MAPKAPK2: variants seen among roughly 807,000 people sequenced by gnomAD.
MAPKAPK2 encodes the protein MAPK activated protein kinase 2.
MAPKAPK2 carries 9 observed loss-of-function variants against 48.8 expected under a neutral mutation model. The observed-to-expected ratio is 0.18, with a 90% confidence interval of 0.11 to 0.32. The LOEUF (loss-of-function observed/expected upper bound fraction) is 0.32. MAPKAPK2 is among the 10% of genes least tolerant of loss of function. The pLI is 1.00. For missense variants in MAPKAPK2, 331 were observed against 498.3 expected (o/e 0.66, Z 3.20); for synonymous variants, 202 against 190.6 (o/e 1.06, Z -0.49).
chr1:206,707,501 G>A (rs577813449), intron 1 of MAPKAPK2, among the ~76,000 whole-genome samples: 2 of 152,292 alleles, frequency 1.3e-5, no homozygotes, highest in South Asian at 4.1e-4. Context: ...TGAAATTGGG[G>A]AGGATTCTCT....
intron 1 of MAPKAPK2, among the ~76,000 whole-genome samples, chr1:206,699,500 A>G (rs948233922): frequency 2.0e-5 from 3 of 152,188 alleles, no homozygotes; most frequent in Non-Finnish European, 2.9e-5. Flanking sequence ...CTGGCTGAGG[A>G]GGGAGAGATG....
Position 206,685,314 on chromosome 1 carries a change from C to G in MAPKAPK2, c.85C>G (p.Pro29Ala). The change falls in exon 1 of 10, where the codon CCG becomes GCG. Residue 29 changes from proline (P) to alanine (A), a missense_variant. Transcript: ENST00000367103. The part of the protein sequence containing the change: ...PPPQPPTPAL[P>A]HPPAQPPPPP... ...GCCGCAGCCCCCCACCCCTGCCCTG[C>G]CGCACCCCCCGGCGCAGCCGCCGCC... 2.5e-6 allele frequency: 3 copies of G among 1,189,550 alleles called. No homozygotes were observed. The highest frequency in any genetic ancestry group is 3.4e-6 in the Non-Finnish European group (3 of 879,764). The allele number at this position is 1,189,550 out of a possible 1,614,324, so 73.7% of individuals were successfully genotyped here.
chr1:206,709,469 G>C (rs531861254), intron 1 of MAPKAPK2, among the ~76,000 whole-genome samples: 1 of 152,306 alleles, frequency 6.6e-6, no homozygotes, highest in South Asian at 2.1e-4. Context: ...TCTTGAGCTA[G>C]GTACTTGATC....
At chr1:206,711,456 G>A (rs1029803026) in intron 1 of MAPKAPK2, among the ~76,000 whole-genome samples, 4 of 151,794 alleles carry the variant, frequency 2.6e-5, no homozygotes, top group Admixed American at 2.0e-4. Context: ...TCGCCATGTT[G>A]GCTAGGCTGG....
intron 1 of MAPKAPK2, among the ~76,000 whole-genome samples, chr1:206,701,926 A>T (rs1425986493): frequency 2.6e-5 from 4 of 151,116 alleles, no homozygotes; most frequent in Non-Finnish European, 4.4e-5. Flanking sequence ...CCAAACCAGG[A>T]TGATTGTTAG....
At chr1:206,723,738 G>C (rs1365285815) in intron 1 of MAPKAPK2, among the ~76,000 whole-genome samples, 1 of 152,232 alleles carries the variant, frequency 6.6e-6, no homozygotes, top group Non-Finnish European at 1.5e-5. Flanking sequence ...TGCATACCTT[G>C]AATAGGGGGA....
At chr1:206,729,505 G>C in intron 4 of MAPKAPK2, 30 bp downstream of exon 4, 1 of 1,596,726 alleles carries the variant, frequency 6.3e-7, no homozygotes, top group East Asian at 2.2e-5. Flanking sequence ...CTGAGCCCGA[G>C]TGCTGTGGGG....
At chr1:206,723,252 G>T (rs1418957646) in intron 1 of MAPKAPK2, among the ~76,000 whole-genome samples, 2 of 152,194 alleles carry the variant, frequency 1.3e-5, no homozygotes, top group Non-Finnish European at 2.9e-5. Flanking sequence ...TCATTGAAAT[G>T]GGTGTAATGG....
intron 1 of MAPKAPK2, among the ~76,000 whole-genome samples, chr1:206,717,871 A>G (rs1673383673): frequency 8.9e-6 from 1 of 112,554 alleles, no homozygotes; most frequent in African/African-American, 3.3e-5. Context: ...AAACAGAAAG[A>G]AAAAAAAATA....
At chr1:206,708,442 A>G (rs1225849986) in intron 1 of MAPKAPK2, among the ~76,000 whole-genome samples, 1 of 152,182 alleles carries the variant, frequency 6.6e-6, no homozygotes, top group African/African-American at 2.4e-5. Context: ...GCCTTTTACT[A>G]TGTTTACTTT....
rs1672892067 is a variant in MAPKAPK2, at chr1:206,704,457, G to C, written c.279+18949G>C. On this transcript the variant is annotated intron_variant, in intron 1 of 9. Transcript: ENST00000367103. The surrounding 1 kb of genome is among the most constrained non-coding windows in gnomAD (Gnocchi z 4.3). ...ATGGTTATGGTGGTGACTTCTCACT[G>C]ACTGCTGATGTGTACAGTACATTGA... 6.6e-6 allele frequency among the ~76,000 whole-genome samples: 1 copy of C among 152,192 alleles called. No homozygotes were observed. Among genetic ancestry groups the C allele is most frequent in the Non-Finnish European group, 1.5e-5 (1 of 68,044 alleles).
chr1:206,731,339 CAT>C lies in MAPKAPK2; in HGVS notation c.892+78_892+79del. The C allele has an allele frequency of 6.3e-7, 1 of 1,587,942 alleles. No homozygotes were observed. Among genetic ancestry groups the C allele is most frequent in the Non-Finnish European group, 8.6e-7 (1 of 1,165,744 alleles). ...GTGTGTATGTGTGTACACGCAGACA[CAT>C]GTATGGGCCTCCATCTCATGTGCGT... On this transcript the variant is annotated intron_variant, in intron 7 of 9. Transcript: ENST00000367103. The surrounding 1 kb of genome is among the most constrained non-coding windows in gnomAD (Gnocchi z 5.9).
chr1:206,702,052 C>G (rs1201702381), intron 1 of MAPKAPK2, among the ~76,000 whole-genome samples: 1 of 152,070 alleles, frequency 6.6e-6, no homozygotes, highest in African/African-American at 2.4e-5. Context: ...TAATGTGCTC[C>G]CCAAGTGATA....
intron 1 of MAPKAPK2, among the ~76,000 whole-genome samples, chr1:206,691,504 T>TATATATATATATACACAC (rs1424297313): frequency 4.5e-5 from 5 of 112,168 alleles, no homozygotes; most frequent in Non-Finnish European, 2.0e-5. Context: ...TATATATATA[T>TATATATATATATACACAC]ACACACATAC....
chr1:206,721,678 C>T (rs1414314935), intron 1 of MAPKAPK2, among the ~76,000 whole-genome samples: 2 of 152,080 alleles, frequency 1.3e-5, no homozygotes, highest in East Asian at 1.9e-4. Flanking sequence ...GCCAAAAGGT[C>T]GTGAACTAAT....
chr1:206,702,476 C>T (rs1199474776), intron 1 of MAPKAPK2, among the ~76,000 whole-genome samples: 1 of 152,206 alleles, frequency 6.6e-6, no homozygotes, highest in African/African-American at 2.4e-5. Flanking sequence ...TCAGTGGAGC[C>T]CTACAGGGAC....
chr1:206,695,474 C>T (rs1553426874), intron 1 of MAPKAPK2, among the ~76,000 whole-genome samples: 1 of 142,298 alleles, frequency 7.0e-6, no homozygotes, highest in Non-Finnish European at 1.5e-5. Flanking sequence ...TTTTGGAACA[C>T]ATGCTTTTTT....
chr1:206,721,966 G>A (rs1469268688), intron 1 of MAPKAPK2, among the ~76,000 whole-genome samples: 1 of 152,110 alleles, frequency 6.6e-6, no homozygotes, highest in Non-Finnish European at 1.5e-5. Context: ...TCGGGAGGCA[G>A]AGGCAGGAGA....
In MAPKAPK2 at chr1:206,713,311, G is replaced by C. The variant is rs1017455753; in HGVS notation, c.280-15399G>C. Among the ~76,000 whole-genome samples, 17 of 152,310 alleles carry C rather than the reference G, an allele frequency of 1.1e-4. No individual in the cohort carries two copies. The East Asian group carries it at 3.3e-3, about 29-fold the overall frequency. On this transcript the variant is annotated intron_variant, in intron 1 of 9. Coordinates refer to ENST00000367103, the MANE Select transcript of MAPKAPK2 (RefSeq NM_032960.4). ...AGGTGACATTGCCATGGTTCTTACA[G>C]ACGTGAAGTCATGACAAGGCCTGGC...
Sources: allele counts gnomAD v4.1 joint callset (sites outside exome capture counted in the v4.1 genomes callset), GRCh38; gene constraint gnomAD v4.1.1; non-coding constraint Gnocchi (gnomAD v3.1); transcripts MANE v1.5; gene names NCBI Gene and HGNC (gene_info 2026-07-23, HGNC 2026-07-21).